Variants in MSX2 observed in about 807,000 individuals in gnomAD.
MSX2 encodes the protein homeobox protein MSX-2.
In MSX2, 10 loss-of-function variants were observed where a neutral mutation model predicts 18.4. That is an observed-to-expected ratio of 0.54 (90% CI 0.34 to 0.92). The LOEUF (loss-of-function observed/expected upper bound fraction) is 0.92, where lower values mean the gene tolerates loss of function less well. MSX2 is among the 40% of genes least tolerant of loss of function. The probability of loss-of-function intolerance (pLI) is 0.02; values close to 1 mark genes in which losing one functional copy is unlikely to be tolerated. For synonymous variants in MSX2, 170 were observed against 165.6 expected (o/e 1.03, Z -0.20); for missense variants, 339 against 364.0 (o/e 0.93, Z 0.56).
intron 1 of MSX2, among the ~76,000 whole-genome samples, chr5:174,728,501 G>A (rs1205937304): frequency 5.3e-5 from 8 of 152,170 alleles, no homozygotes; most frequent in African/African-American, 1.7e-4. Flanking sequence ...TTATCTGCAC[G>A]ATTATCCTTC....
At chr5:174,728,836 A>G (rs1760857239) in intron 1 of MSX2, among the ~76,000 whole-genome samples, 1 of 152,152 alleles carries the variant, frequency 6.6e-6, no homozygotes, top group Admixed American at 6.5e-5. Context: ...TTTTCTTAAA[A>G]AACTCATTTT....
chr5:174,725,427 T>C (rs926124157), intron 1 of MSX2, among the ~76,000 whole-genome samples: 3 of 152,010 alleles, frequency 2.0e-5, no homozygotes, highest in African/African-American at 7.3e-5. Context: ...AGTGAAGGAG[T>C]TGGATCCATG....
intron 1 of MSX2, 73 bp from the exon 2 acceptor site, chr5:174,729,086 G>T: frequency 6.8e-7 from 1 of 1,469,052 alleles, no homozygotes; most frequent in East Asian, 2.4e-5. Context: ...AGATGACGGG[G>T]GAGATGGGTT....
Position 174,724,899 on chromosome 5 carries a change from G to C in MSX2, c.240G>C (p.Leu80=), listed in dbSNP as rs2113491967. ...CCGGGGCCACCCTGCGGCCACTGCT[G>C]CTGTCGGGGCACGGCGCTCGGGAAG... ...ASAGATLRPL[L]LSGHGAREAH... is the part of the protein sequence containing the mutation. Residue 80 remains leucine (L), a synonymous_variant, in exon 1 of 2, where the codon CTG becomes CTC. Transcript: ENST00000239243. The C allele has an allele frequency of 1.3e-6, 2 of 1,569,730 alleles. No individual in the cohort carries two copies. Among genetic ancestry groups the C allele is most frequent in the East Asian group, 4.6e-5 (2 of 43,392 alleles).
chr5:174,727,830 TCA>T (rs1174837534), intron 1 of MSX2, among the ~76,000 whole-genome samples: 1 of 152,212 alleles, frequency 6.6e-6, no homozygotes, highest in East Asian at 1.9e-4. Context: ...TTGTGCTGTG[TCA>T]CCCTCAAGTA....
chr5:174,729,374 A>C lies in MSX2; in HGVS notation c.595A>C (p.Arg199=). The C allele has an allele frequency of 6.2e-7, 1 of 1,614,194 alleles. No individual in the cohort carries two copies. The highest frequency in any genetic ancestry group is 8.5e-7 in the Non-Finnish European group (1 of 1,180,042). The change falls in exon 2 of 2, where the codon AGA becomes CGA. Residue 199 remains arginine, a synonymous_variant. Transcript: ENST00000239243. ...WFQNRRAKAK[R]LQEAELEKLK... The stretch of plus-strand genomic sequence containing the variant: ...CCAGAACCGAAGGGCCAAGGCGAAA[A>C]GACTGCAGGAGGCAGAACTGGAAAA...
chr5:174,730,381 A>G lies in MSX2; in HGVS notation c.*798A>G, dbSNP rs1760903246. On this transcript the variant is annotated 3_prime_UTR_variant, in exon 2 of 2. Transcript: ENST00000239243. ...TCTTCTCAAGGCTGTTGGTAACTTTATTTCAGATAATTGGAGAGTAAAATG... is the reference window on the plus strand; with the variant it reads ...TCTTCTCAAGGCTGTTGGTAACTTTGTTTCAGATAATTGGAGAGTAAAATG... 1 of 152,186 alleles carries G rather than the reference A, an allele frequency of 6.6e-6. No homozygotes were observed. Among genetic ancestry groups the G allele is most frequent in the Non-Finnish European group, 1.5e-5 (1 of 68,022 alleles). The allele number at this position is 152,186 out of a possible 1,614,324, so 9.4% of individuals were successfully genotyped here.
At chr5:174,728,360 A>G (rs945713797) in intron 1 of MSX2, among the ~76,000 whole-genome samples, 3 of 152,222 alleles carry the variant, frequency 2.0e-5, no homozygotes, top group Non-Finnish European at 4.4e-5. Flanking sequence ...CAAGAACCTT[A>G]TCCCACATCC....
Position 174,729,137 on chromosome 5 carries a change from C to A in MSX2, c.380-22C>A, listed in dbSNP as rs201243558. 15 of 1,610,502 alleles carry A rather than the reference C, an allele frequency of 9.3e-6. No individual in the cohort carries two copies. The Admixed American group carries it at 1.2e-4, about 13-fold the overall frequency. On this transcript the variant is annotated intron_variant, in intron 1 of 1. Coordinates refer to ENST00000239243, the MANE Select transcript of MSX2 (RefSeq NM_002449.5). ...TTAATGTAACTTTCTTTTGCTAATC[C>A]GCTCCTCTCTCTGTTCTCTAGGACA... is the stretch of plus-strand genomic sequence containing the variant.
At chr5:174,726,586 CAAAAAAAA>C (rs34068914) in intron 1 of MSX2, among the ~76,000 whole-genome samples, 6 of 93,426 alleles carry the variant, frequency 6.4e-5, no homozygotes, top group South Asian at 7.7e-4. Flanking sequence ...TGGGCCTGAC[CAAAAAAAA>C]AAAAAAAAAA....
At chr5:174,725,756 ATAAT>A (rs998991128) in intron 1 of MSX2, among the ~76,000 whole-genome samples, 5 of 152,176 alleles carry the variant, frequency 3.3e-5, no homozygotes, top group African/African-American at 7.2e-5. Context: ...GCTCACAGTA[ATAAT>A]TAACCGCATT....
At position 174,730,442 on chromosome 5, in the gene MSX2, A is replaced by C. The variant is rs1420204989; in HGVS notation, c.*859A>C. ...TTGAGAGGAATTGATGGTTTCTGAG[A>C]AATACTAGGTACATTCATCCTCACA... On this transcript the variant is annotated 3_prime_UTR_variant, in exon 2 of 2. Transcript: ENST00000239243. The C allele has an allele frequency of 1.3e-5, 2 of 152,438 alleles. No individual in the cohort carries two copies. Among genetic ancestry groups the C allele is most frequent in the African/African-American group, 4.8e-5 (2 of 41,450 alleles). The allele number at this position is 152,438 out of a possible 1,614,324, so 9.4% of individuals were successfully genotyped here.
chr5:174,724,919 G>T lies in MSX2; in HGVS notation c.260G>T (p.Arg87Leu). The T allele has an allele frequency of 1.3e-6, 2 of 1,578,560 alleles. No individual in the cohort carries two copies. Among genetic ancestry groups the T allele is most frequent in the Non-Finnish European group, 1.7e-6 (2 of 1,164,374 alleles). ...CTGCTGCTGTCGGGGCACGGCGCTCGGGAAGCGCACAGCCCCGGGCCGCTG... is the reference window on the plus strand; with the variant it reads ...CTGCTGCTGTCGGGGCACGGCGCTCTGGAAGCGCACAGCCCCGGGCCGCTG... ...RPLLLSGHGA[R>L]EAHSPGPLVK... The change falls in exon 1 of 2, where the codon CGG becomes CTG. Residue 87 changes from arginine to leucine, a missense_variant. Physicochemically the swap from Arg to Leu is moderately radical, Grantham distance 102. Around this residue, in one of 2 missense-constraint regions of MSX2, gnomAD observed 211 missense variants for 185.4 expected, o/e 1.14. Coordinates refer to ENST00000239243, the MANE Select transcript of MSX2 (RefSeq NM_002449.5).
At chr5:174,729,091 TG>T in intron 1 of MSX2, 67 bp from the exon 2 acceptor site, 2 of 1,497,648 alleles carry the variant, frequency 1.3e-6, no homozygotes, top group East Asian at 2.4e-5. Context: ...ACGGGGGAGA[TG>T]GGTTTTTTTT....
intron 1 of MSX2, among the ~76,000 whole-genome samples, chr5:174,727,589 T>C (rs1308228717): frequency 6.6e-6 from 1 of 152,196 alleles, no homozygotes. Context: ...CTGACAGTGT[T>C]GTTAATTTGT....
rs555293970 is a variant in MSX2 at position 174,729,263 on chromosome 5, C to T, written c.484C>T (p.Arg162Cys). The T allele has an allele frequency of 1.1e-5, 17 of 1,614,162 alleles. No individual in the cohort carries two copies. The highest frequency in any genetic ancestry group is 5.3e-5 in the African/African-American group (4 of 75,040). The part of the protein sequence containing the change: ...SQLLALERKF[R>C]QKQYLSIAER... Reference sequence around the variant, plus strand: ...GCTCCTCGCCCTGGAGCGCAAGTTCCGTCAGAAACAGTACCTCTCCATTGC... The same window carrying T: ...GCTCCTCGCCCTGGAGCGCAAGTTCTGTCAGAAACAGTACCTCTCCATTGC... Residue 162 changes from arginine to cysteine, a missense_variant, in exon 2 of 2, where the codon CGT becomes TGT. Arg to Cys is a radical substitution (Grantham distance 180). Transcript: ENST00000239243.
chr5:174,729,572 C>G lies in MSX2; in HGVS notation c.793C>G (p.His265Asp). Residue 265 changes from histidine (H) to aspartate (D), a missense_variant, in exon 2 of 2, where the codon CAC (histidine) becomes GAC (aspartate). Physicochemically the swap from His to Asp is moderately conservative, Grantham distance 81. Around this residue, in one of 2 missense-constraint regions of MSX2, gnomAD observed 128 missense variants for 178.6 expected, o/e 0.72. Coordinates refer to ENST00000239243, the MANE Select transcript of MSX2 (RefSeq NM_002449.5). ...YATPVGYGMY[H>D]LS Reference sequence around the variant, plus strand: ...CACGCCAGTGGGATATGGCATGTACCACCTGTCCTAAGGAAGACCAGATCA... The same window carrying G: ...CACGCCAGTGGGATATGGCATGTACGACCTGTCCTAAGGAAGACCAGATCA... 6.2e-7 allele frequency: 1 copy of G among 1,610,966 alleles called. No individual in the cohort carries two copies.
intron 1 of MSX2, among the ~76,000 whole-genome samples, chr5:174,726,422 C>T (rs746581648): frequency 1.4e-4 from 22 of 152,176 alleles, no homozygotes; most frequent in Non-Finnish European, 2.6e-4. Flanking sequence ...ATTCAAAGGG[C>T]GAGGAGATTA....
intron 1 of MSX2, 83 bp downstream of exon 1, chr5:174,725,121 C>T: frequency 1.9e-6 from 3 of 1,549,180 alleles, no homozygotes; most frequent in South Asian, 2.5e-5. Flanking sequence ...GCTGAGGGTA[C>T]CGAGACCCTT....
Sources: gnomAD v4.1 joint callset for allele counts (sites outside exome capture counted in the v4.1 genomes callset) on GRCh38, gnomAD v4.1.1 for gene constraint, gnomAD v4.1.1 regional missense constraint, MANE v1.5 for transcripts, NCBI Gene and HGNC (gene_info 2026-07-23, HGNC 2026-07-21) for gene names.